Variants in CRIM1 observed in about 807,000 individuals in gnomAD.
CRIM1 encodes the protein cysteine-rich motor neuron 1 protein.
A neutral mutation model predicts 116.4 loss-of-function variants in CRIM1; 32 were observed. That is an observed-to-expected ratio of 0.27 (90% CI 0.21 to 0.37). The LOEUF (loss-of-function observed/expected upper bound fraction) is 0.37. Among genes scored for constraint, CRIM1 ranks in the 10% least tolerant of loss-of-function variants. The pLI, the probability that CRIM1 is intolerant of heterozygous loss-of-function variation, is 1.00. For missense variants in CRIM1, 1,331 were observed against 1,354.8 expected (o/e 0.98, Z 0.28); for synonymous variants, 590 against 509.2 (o/e 1.16, Z -2.13).
rs186816016 is a variant in CRIM1, at chr2:36,443,064, A to G, written c.869+329A>G. On this transcript the variant is annotated intron_variant, in intron 4 of 16. Transcript: ENST00000280527. ...AGTGAGGTGTCTATCAAGAGTAGAC[A>G]CATCATTTGATCCTCTGCAGTGAAT... Among the ~76,000 whole-genome samples the G allele has an allele frequency of 1.3e-3, 197 of 152,312 alleles. 1 individual carries two copies. Among genetic ancestry groups the G allele is most frequent in the African/African-American group, 4.4e-3 (184 of 41,570 alleles).
At chr2:36,443,205 T>C (rs1008966788) in intron 4 of CRIM1, among the ~76,000 whole-genome samples, 1 of 152,212 alleles carries the variant, frequency 6.6e-6, no homozygotes, top group Non-Finnish European at 1.5e-5. Context: ...GTCTTAATTC[T>C]TACAATGCTT....
intron 13 of CRIM1, chr2:36,531,951 G>A (rs1171032972): frequency 2.1e-6 from 1 of 470,980 alleles, no homozygotes; most frequent in Admixed American, 2.3e-5. Context: ...CCAGCAAAGG[G>A]CTCCAGGTCC....
At chr2:36,396,562 C>G (rs1441226671) in intron 1 of CRIM1, 52 bp from the exon 2 acceptor site, 1 of 1,292,758 alleles carries the variant, frequency 7.7e-7, no homozygotes, top group Non-Finnish European at 1.1e-6. Flanking sequence ...CGCGAACAGG[C>G]CTTTGAATGA....
chr2:36,380,360 T>C (rs1340712097), intron 1 of CRIM1, among the ~76,000 whole-genome samples: 1 of 152,206 alleles, frequency 6.6e-6, no homozygotes, highest in Non-Finnish European at 1.5e-5. Flanking sequence ...GTCATGGTAC[T>C]CTGCGCTGCT....
At chr2:36,532,178 C>T (rs951632122) in intron 13 of CRIM1, among the ~76,000 whole-genome samples, 2 of 152,200 alleles carry the variant, frequency 1.3e-5, no homozygotes, top group Admixed American at 1.3e-4. Flanking sequence ...TGGACGCCAT[C>T]GCAAGAGGAA....
chr2:36,481,669 A>T (rs1679428499), intron 7 of CRIM1, among the ~76,000 whole-genome samples: 1 of 152,208 alleles, frequency 6.6e-6, no homozygotes, highest in South Asian at 2.1e-4. Flanking sequence ...AGCCTTTATT[A>T]TCCCATTTTG....
intron 1 of CRIM1, among the ~76,000 whole-genome samples, chr2:36,384,250 T>C (rs565748562): frequency 3.9e-5 from 6 of 152,224 alleles, no homozygotes; most frequent in Non-Finnish European, 8.8e-5. Flanking sequence ...GCCTTGAGGC[T>C]GCAGTAGCCG....
At chr2:36,513,850 G>A in intron 11 of CRIM1, 85 bp downstream of exon 11, 2 of 1,242,416 alleles carry the variant, frequency 1.6e-6, no homozygotes, top group Non-Finnish European at 2.3e-6. Context: ...ACTCTGGGGA[G>A]GTTGGAGGGG....
intron 1 of CRIM1, among the ~76,000 whole-genome samples, chr2:36,395,704 G>A (rs575647158): frequency 6.6e-6 from 1 of 152,188 alleles, no homozygotes; most frequent in African/African-American, 2.4e-5. Context: ...TTTGTATTCA[G>A]TTACCTCAGC....
intron 2 of CRIM1, among the ~76,000 whole-genome samples, chr2:36,408,019 T>C (rs1672940489): frequency 6.6e-6 from 1 of 152,216 alleles, no homozygotes; most frequent in African/African-American, 2.4e-5. Flanking sequence ...CTGTCCTCTT[T>C]CCATACCTAA....
At chr2:36,484,729 T>C (rs3770844) in intron 7 of CRIM1, among the ~76,000 whole-genome samples, 42,704 of 152,104 alleles carry the variant, frequency 0.28, 6,284 homozygotes, top group South Asian at 0.39. Context: ...ACGGAGGAGC[T>C]GATGATTTTG....
intron 2 of CRIM1, among the ~76,000 whole-genome samples, chr2:36,433,468 A>G (rs958783204): frequency 6.6e-6 from 1 of 152,214 alleles, no homozygotes; most frequent in African/African-American, 2.4e-5. Flanking sequence ...GTGGCTTGCC[A>G]GGGTGTTGGA....
Position 36,527,029 on chromosome 2 carries a change from G to A in CRIM1, c.2428+4716G>A, listed in dbSNP as rs148942958. Reference sequence around the variant, plus strand: ...TTGGCAAGTATTTGTTAGTAACTACGTGTTATTTTAGAAGATATTTCAAGG... The same window carrying A: ...TTGGCAAGTATTTGTTAGTAACTACATGTTATTTTAGAAGATATTTCAAGG... On this transcript the variant is annotated intron_variant, in intron 13 of 16. Transcript: ENST00000280527. Among the ~76,000 whole-genome samples, 436 of 152,194 alleles carry A rather than the reference G, an allele frequency of 2.9e-3. 3 individuals are homozygous for A. The highest frequency in any genetic ancestry group is 0.01 in the African/African-American group (416 of 41,526).
chr2:36,431,580 C>T (rs747131922), intron 2 of CRIM1, among the ~76,000 whole-genome samples: 1 of 152,140 alleles, frequency 6.6e-6, no homozygotes, highest in Non-Finnish European at 1.5e-5. Context: ...TCTTTAAAAT[C>T]ACGTAAGATC....
At chr2:36,542,776 C>G (rs778811418) in intron 14 of CRIM1, among the ~76,000 whole-genome samples, 30 of 152,254 alleles carry the variant, frequency 2.0e-4, no homozygotes, top group Non-Finnish European at 2.9e-4. Flanking sequence ...TGCCCATATT[C>G]ACCCAGGAAA....
chr2:36,428,989 C>T (rs1674666165), intron 2 of CRIM1, among the ~76,000 whole-genome samples: 1 of 152,156 alleles, frequency 6.6e-6, no homozygotes, highest in Non-Finnish European at 1.5e-5. Flanking sequence ...TGCTCCTTTT[C>T]CCATAATGCT....
Position 36,551,072 on chromosome 2 carries a change from A to T in CRIM1, c.*2371A>T, listed in dbSNP as rs1439491071. ...AGTTTGTTTTTGTTTTCTTCAAAAA[A>T]GCTGTAAGAGAATTATCTGCAACTT... On this transcript the variant is annotated 3_prime_UTR_variant, in exon 17 of 17. Coordinates refer to ENST00000280527, the MANE Select transcript of CRIM1 (RefSeq NM_016441.3). 2 of 152,644 alleles carry T rather than the reference A, an allele frequency of 1.3e-5. No individual in the cohort carries two copies. The highest frequency in any genetic ancestry group is 1.3e-4 in the Admixed American group (2 of 15,288). 9.5% of individuals were successfully genotyped at this position (152,644 alleles called of 1,614,324 possible).
At chr2:36,377,975 A>C (rs940319092) in intron 1 of CRIM1, among the ~76,000 whole-genome samples, 1 of 152,192 alleles carries the variant, frequency 6.6e-6, no homozygotes, top group Non-Finnish European at 1.5e-5. Context: ...ACTGACTCCC[A>C]AGGTAATTTT....
intron 4 of CRIM1, among the ~76,000 whole-genome samples, chr2:36,455,387 G>A (rs1372129528): frequency 6.6e-6 from 1 of 152,150 alleles, no homozygotes; most frequent in Non-Finnish European, 1.5e-5. Flanking sequence ...AATCCACATA[G>A]CAGTCATATG....
Sources: allele counts gnomAD v4.1 joint callset (sites outside exome capture counted in the v4.1 genomes callset), GRCh38; gene constraint gnomAD v4.1.1; transcripts MANE v1.5; gene names NCBI Gene and HGNC (gene_info 2026-07-23, HGNC 2026-07-21).